The following CTNNA2 variants were observed in gnomAD, a reference collection of about 807,000 sequenced individuals.
CTNNA2 encodes catenin alpha-2.
Under a neutral mutation model 101.0 loss-of-function variants are expected in CTNNA2, and 42 were observed. The observed-to-expected ratio is 0.42, with a 90% CI of 0.32 to 0.54. The LOEUF is 0.54. CTNNA2 is among the 20% of genes least tolerant of loss of function. The pLI is 0.14. For missense variants in CTNNA2, 871 were observed against 1,223.1 expected (o/e 0.71, Z 4.29); for synonymous variants, 450 against 456.4 (o/e 0.99, Z 0.18).
At chr2:80,088,737 T>C (rs2148816702) in intron 7 of CTNNA2, among the ~76,000 whole-genome samples, 1 of 152,134 alleles carries the variant, frequency 6.6e-6, no homozygotes, top group East Asian at 1.9e-4. Flanking sequence ...AAAGAAGGAT[T>C]GAAAGGTGAA....
chr2:80,161,159 G>A (rs1185624593), intron 7 of CTNNA2, among the ~76,000 whole-genome samples: 1 of 152,028 alleles, frequency 6.6e-6, no homozygotes, highest in Non-Finnish European at 1.5e-5. Flanking sequence ...AGAATTACAG[G>A]CGCATGCCAC....
intron 2 of CTNNA2, among the ~76,000 whole-genome samples, chr2:79,290,583 CCAG>C (rs1404902873): frequency 6.6e-6 from 1 of 152,094 alleles, no homozygotes; most frequent in Non-Finnish European, 1.5e-5. Context: ...GAGGAACACA[CCAG>C]CAGAAGAACA....
In CTNNA2 at chr2:80,539,152, T is replaced by A. The variant is rs527525191; in HGVS notation, c.1291-5830T>A. The stretch of plus-strand genomic sequence containing the variant: ...TTGTACCTCAGCCTCCTGAGTTATT[T>A]TTGTCAATTTTTAACTGTCTTATCA... On this transcript the variant is annotated intron_variant, in intron 9 of 18. Transcript: ENST00000402739. 3.9e-5 allele frequency among the ~76,000 whole-genome samples: 6 copies of A among 152,244 alleles called. No homozygotes were observed. The East Asian group carries it at 1.2e-3, about 29-fold the overall frequency.
intron 3 of CTNNA2, among the ~76,000 whole-genome samples, chr2:79,792,197 C>G (rs1675326902): frequency 1.3e-5 from 2 of 152,110 alleles, no homozygotes; most frequent in Non-Finnish European, 1.5e-5. Flanking sequence ...CTATGGATCT[C>G]TCACATTTCT....
chr2:79,653,645 C>T (rs1020174611), intron 2 of CTNNA2, among the ~76,000 whole-genome samples: 73 of 152,108 alleles, frequency 4.8e-4, no homozygotes, highest in African/African-American at 1.6e-3. Context: ...CTTGAAAGCA[C>T]GTCTCCTAAT....
intron 2 of CTNNA2, among the ~76,000 whole-genome samples, chr2:79,677,271 T>G (rs545972808): frequency 3.3e-5 from 5 of 152,262 alleles, no homozygotes; most frequent in African/African-American, 1.2e-4. Flanking sequence ...GTCCCTGCCT[T>G]CCTTCAGGCT....
chr2:80,554,586 G>C (rs879810823), intron 11 of CTNNA2, among the ~76,000 whole-genome samples: 1 of 152,054 alleles, frequency 6.6e-6, no homozygotes, highest in Non-Finnish European at 1.5e-5. Context: ...GGTAGAAAGA[G>C]GGAGGGATCT....
At chr2:79,934,116 T>G (rs1687629738) in intron 7 of CTNNA2, among the ~76,000 whole-genome samples, 1 of 152,246 alleles carries the variant, frequency 6.6e-6, no homozygotes, top group Non-Finnish European at 1.5e-5. Context: ...AAGGTTGAGC[T>G]TTAAAATTAT....
intron 6 of CTNNA2, among the ~76,000 whole-genome samples, chr2:79,888,367 A>G (rs1281322648): frequency 6.6e-6 from 1 of 152,122 alleles, no homozygotes; most frequent in African/African-American, 2.4e-5. Context: ...TTTCCGGGTT[A>G]TTGACACCTC....
rs189042318 is a variant in CTNNA2, at chr2:79,226,968, G to A, written c.-406+28892G>A. Among the ~76,000 whole-genome samples, 515 of 108,652 alleles carry A rather than the reference G, an allele frequency of 4.7e-3. 1 individual carries two copies. Among genetic ancestry groups the A allele is most frequent in the African/African-American group, 0.018 (498 of 27,542 alleles). The allele number at this position is 108,652 out of a possible 152,430, so 71.3% of individuals were successfully genotyped here. A position where few individuals can be genotyped will look rare whatever the true frequency, so the allele number is the denominator to read the frequency against. ...CAGCTGCTCAGATGGAGAGCTCTGA[G>A]GGACTCTGGGACAAATTTCCTCCAA... is the stretch of plus-strand genomic sequence containing the variant. On this transcript the variant is annotated intron_variant, in intron 2 of 21. Coordinates refer to the CTNNA2 transcript ENST00000466387.
intron 1 of CTNNA2, among the ~76,000 whole-genome samples, chr2:79,525,177 G>A (rs529317533): frequency 6.6e-6 from 1 of 152,050 alleles, no homozygotes; most frequent in African/African-American, 2.4e-5. Context: ...AAATGTGTCA[G>A]TATTGATACA....
intron 9 of CTNNA2, among the ~76,000 whole-genome samples, chr2:80,495,577 A>G (rs115186439): frequency 0.018 from 2,708 of 152,246 alleles, 64 homozygotes; most frequent in African/African-American, 0.061. Context: ...TGGAGATGTA[A>G]TTAAGATGAG....
intron 9 of CTNNA2, among the ~76,000 whole-genome samples, chr2:80,505,792 T>A (rs1487787680): frequency 6.6e-6 from 1 of 152,210 alleles, no homozygotes; most frequent in Non-Finnish European, 1.5e-5. Flanking sequence ...TATACTTGGA[T>A]ATGAAAATTT....
At chr2:79,395,327 T>G (rs4404297) in intron 4 of CTNNA2, among the ~76,000 whole-genome samples, 120,805 of 151,492 alleles carry the variant, frequency 0.8, 48,365 homozygotes, top group East Asian at 0.96. Flanking sequence ...TGCCATGTTG[T>G]TATGCTGCAC....
chr2:79,549,564 T>C (rs1214404548), intron 1 of CTNNA2, among the ~76,000 whole-genome samples: 1 of 152,224 alleles, frequency 6.6e-6, no homozygotes, highest in African/African-American at 2.4e-5. Context: ...GCTACAAAAC[T>C]CTTTTCCAGT....
intron 1 of CTNNA2, among the ~76,000 whole-genome samples, chr2:79,187,679 C>CA (rs1673799173): frequency 6.6e-6 from 1 of 151,986 alleles, no homozygotes; most frequent in Admixed American, 6.6e-5. Context: ...ATCATTGTAG[C>CA]AAAAAATTCA....
chr2:79,977,059 T>C (rs987863805), intron 7 of CTNNA2, among the ~76,000 whole-genome samples: 1 of 152,204 alleles, frequency 6.6e-6, no homozygotes, highest in Non-Finnish European at 1.5e-5. Flanking sequence ...AGCTTGAAAC[T>C]TAAATGTTCT....
intron 9 of CTNNA2, among the ~76,000 whole-genome samples, chr2:80,535,434 TA>T (rs1690924530): frequency 6.6e-6 from 1 of 152,188 alleles, no homozygotes; most frequent in Non-Finnish European, 1.5e-5. Context: ...GGTGCTGGGT[TA>T]ACTAATCTCT....
In CTNNA2 at chr2:79,629,660, G is replaced by C. The variant is rs917871919; in HGVS notation, c.-5-21892G>C. Among the ~76,000 whole-genome samples the C allele has an allele frequency of 2.0e-5, 3 of 152,154 alleles. No homozygotes were observed. In the South Asian group the frequency reaches 6.2e-4, roughly 32 times the overall value. ...TAACACCAGAAGTAGGTGGGGTAAG[G>C]AAGAGTGGGAGCCAGGTGCCACAGG... On this transcript the variant is annotated intron_variant, in intron 1 of 18. Coordinates refer to ENST00000402739, the MANE Select transcript of CTNNA2 (RefSeq NM_001282597.3).
Sources: gnomAD v4.1 joint callset for allele counts (sites outside exome capture counted in the v4.1 genomes callset) on GRCh38, gnomAD v4.1.1 for gene constraint, MANE v1.5 for transcripts, NCBI Gene and HGNC (gene_info 2026-07-23, HGNC 2026-07-21) for gene names.